FAM227B: variants seen among roughly 807,000 people sequenced by gnomAD.
The protein encoded by FAM227B is protein FAM227B.
A neutral mutation model predicts 73.8 loss-of-function variants in FAM227B; 88 were observed. That is an observed-to-expected ratio of 1.19 (90% CI 1.00 to 1.42). The LOEUF is 1.42. FAM227B is among the 40% of genes most tolerant of loss of function. FAM227B has a pLI of 0.00. For missense variants in FAM227B, 632 were observed against 590.9 expected (o/e 1.07, Z -0.72); for synonymous variants, 210 against 190.5 (o/e 1.10, Z -0.84).
intron 13 of FAM227B, among the ~76,000 whole-genome samples, chr15:49,349,935 G>A (rs558878903): frequency 8.5e-5 from 13 of 152,172 alleles, no homozygotes; most frequent in African/African-American, 3.1e-4. Flanking sequence ...CAAAATGAGA[G>A]GGAGAATTTA....
intron 11 of FAM227B, among the ~76,000 whole-genome samples, chr15:49,441,427 T>A (rs981753026): frequency 6.6e-6 from 1 of 151,648 alleles, no homozygotes; most frequent in Non-Finnish European, 1.5e-5. Context: ...AAAATAAAAA[T>A]AAAATTAGAG....
intron 9 of FAM227B, among the ~76,000 whole-genome samples, chr15:49,567,244 C>A (rs552068412): frequency 6.6e-6 from 1 of 152,176 alleles, no homozygotes; most frequent in African/African-American, 2.4e-5. Context: ...AAGAAAAAAC[C>A]TGTCAGAACA....
At chr15:49,602,958 G>A (rs1329768669) in intron 3 of FAM227B, among the ~76,000 whole-genome samples, 3 of 152,116 alleles carry the variant, frequency 2.0e-5, no homozygotes, top group African/African-American at 7.2e-5. Context: ...TTCACTGCAG[G>A]TGTGTGGATT....
intron 11 of FAM227B, among the ~76,000 whole-genome samples, chr15:49,422,145 AGT>A (rs1555477439): frequency 1.1e-3 from 154 of 139,912 alleles, no homozygotes; most frequent in African/African-American, 1.8e-3. Context: ...AGAGAGAGAG[AGT>A]GTGTGTGTGT....
At chr15:49,520,748 C>T (rs535308219) in intron 10 of FAM227B, among the ~76,000 whole-genome samples, 5 of 152,192 alleles carry the variant, frequency 3.3e-5, no homozygotes, top group Non-Finnish European at 5.9e-5. Flanking sequence ...AATTACCTCC[C>T]ATCAAGTCCC....
At chr15:49,499,581 A>C (rs1388485269) in intron 11 of FAM227B, among the ~76,000 whole-genome samples, 1 of 152,162 alleles carries the variant, frequency 6.6e-6, no homozygotes, top group Non-Finnish European at 1.5e-5. Context: ...AAGAATCTAG[A>C]ATAACCAAAA....
chr15:49,362,138 G>GGTGTTAACATA (rs2044349748), intron 13 of FAM227B, among the ~76,000 whole-genome samples: 1 of 151,974 alleles, frequency 6.6e-6, no homozygotes, highest in African/African-American at 2.4e-5. Flanking sequence ...AACATAGTTT[G>GGTGTTAACATA]GCTCTGTGTC....
intron 11 of FAM227B, among the ~76,000 whole-genome samples, chr15:49,506,471 A>G (rs1254136291): frequency 6.6e-6 from 1 of 152,060 alleles, no homozygotes; most frequent in Non-Finnish European, 1.5e-5. Context: ...GATCTAATTG[A>G]GATTTTTTTT....
chr15:49,385,218 T>C (rs550880059), intron 11 of FAM227B, among the ~76,000 whole-genome samples: 2 of 151,952 alleles, frequency 1.3e-5, no homozygotes, highest in East Asian at 1.9e-4. Flanking sequence ...AGTACATTCA[T>C]GTAACCTTAA....
In FAM227B at chr15:49,576,855, G is replaced by GT; in HGVS notation, c.442-11_442-10insA. On this transcript the variant is annotated splice_polypyrimidine_tract_variant and intron_variant, in intron 6 of 15. Coordinates refer to ENST00000299338, the MANE Select transcript of FAM227B (RefSeq NM_152647.3). ...CTGTGAAGCTGCAACCCTAGAAAGAGGAAAATATAACAGGAGAGTAAATAT... is the reference window on the plus strand; with the variant it reads ...CTGTGAAGCTGCAACCCTAGAAAGAGTGAAAATATAACAGGAGAGTAAATAT... 6.5e-7 allele frequency: 1 copy of GT among 1,544,554 alleles called. No individual in the cohort carries two copies. The highest frequency in any genetic ancestry group is 8.9e-7 in the Non-Finnish European group (1 of 1,121,036).
At chr15:49,338,153 G>A (rs2040080827) in intron 13 of FAM227B, among the ~76,000 whole-genome samples, 1 of 152,196 alleles carries the variant, frequency 6.6e-6, no homozygotes, top group South Asian at 2.1e-4. Flanking sequence ...ATTGTTATGT[G>A]TGAACTGGAT....
intron 13 of FAM227B, among the ~76,000 whole-genome samples, chr15:49,360,618 C>T (rs570661182): frequency 6.6e-6 from 1 of 152,128 alleles, no homozygotes; most frequent in African/African-American, 2.4e-5. Flanking sequence ...ACATTTTATC[C>T]AAGATTCTGC....
chr15:49,541,326 T>C lies in FAM227B; in HGVS notation c.874+354A>G, dbSNP rs573629062. ...ATTAAATTATTTCTAGATTTTATCCTAAATAATATTATTCGCTAATTAAAT... is the reference window on the plus strand; with the variant it reads ...ATTAAATTATTTCTAGATTTTATCCCAAATAATATTATTCGCTAATTAAAT... On this transcript the variant is annotated intron_variant, in intron 10 of 15. Transcript: ENST00000299338. 5.9e-5 allele frequency among the ~76,000 whole-genome samples: 9 copies of C among 152,246 alleles called. No homozygotes were observed. The East Asian group carries it at 1.7e-3, about 29-fold the overall frequency.
chr15:49,338,342 C>T (rs886273699), intron 13 of FAM227B, among the ~76,000 whole-genome samples: 20 of 152,206 alleles, frequency 1.3e-4, no homozygotes, highest in African/African-American at 4.8e-4. Flanking sequence ...AATCTCTCAG[C>T]ATTTCCTTGT....
chr15:49,429,333 A>G (rs898226695), intron 11 of FAM227B, among the ~76,000 whole-genome samples: 4 of 152,102 alleles, frequency 2.6e-5, no homozygotes, highest in Middle Eastern at 3.4e-3. Context: ...AGATTTGAAA[A>G]TATTAGCCAT....
chr15:49,445,991 A>AT (rs900063154), intron 11 of FAM227B, among the ~76,000 whole-genome samples: 4 of 151,458 alleles, frequency 2.6e-5, no homozygotes, highest in African/African-American at 9.7e-5. Context: ...AAATTCATGA[A>AT]TTTTTTCCTT....
intron 13 of FAM227B, chr15:49,365,742 C>G (rs1265059178): frequency 1.1e-6 from 1 of 871,824 alleles, no homozygotes; most frequent in Non-Finnish European, 2.0e-6. Flanking sequence ...CTTGTAAAAT[C>G]CAAGCCCACC....
intron 11 of FAM227B, among the ~76,000 whole-genome samples, chr15:49,497,031 C>T (rs1201831347): frequency 1.3e-5 from 2 of 151,956 alleles, no homozygotes; most frequent in Non-Finnish European, 1.5e-5. Flanking sequence ...TACACCTGAA[C>T]AGTCAGCAAT....
chr15:49,466,693 G>C (rs976320053), intron 11 of FAM227B, among the ~76,000 whole-genome samples: 1 of 152,162 alleles, frequency 6.6e-6, no homozygotes, highest in Non-Finnish European at 1.5e-5. Context: ...GGACTAATGT[G>C]ATGGCAATGG....
Sources: allele counts gnomAD v4.1 joint callset (sites outside exome capture counted in the v4.1 genomes callset), GRCh38; gene constraint gnomAD v4.1.1; transcripts MANE v1.5; gene names NCBI Gene and HGNC (gene_info 2026-07-23, HGNC 2026-07-21).